Variants in PXDNL observed in about 807,000 individuals in gnomAD.
PXDNL encodes the protein probable oxidoreductase PXDNL.
Under a neutral mutation model 150.8 loss-of-function variants are expected in PXDNL, and 145 were observed. The observed-to-expected ratio is 0.96, with a 90% CI of 0.84 to 1.10. PXDNL has a LOEUF of 1.10. PXDNL is among the 50% of genes least tolerant of loss of function. The pLI is 0.00. For missense variants in PXDNL, 2,087 were observed against 1,873.9 expected (o/e 1.11, Z -2.10); for synonymous variants, 757 against 725.7 (o/e 1.04, Z -0.69).
At chr8:51,582,054 AC>A (rs1409737370) in intron 3 of PXDNL, among the ~76,000 whole-genome samples, 1 of 152,164 alleles carries the variant, frequency 6.6e-6, no homozygotes, top group Non-Finnish European at 1.5e-5. Context: ...TAAGAAGTAT[AC>A]TTTTAAGTTT....
intron 1 of PXDNL, among the ~76,000 whole-genome samples, chr8:51,693,078 C>A (rs1286208889): frequency 6.6e-6 from 1 of 152,224 alleles, no homozygotes; most frequent in Non-Finnish European, 1.5e-5. Flanking sequence ...GAGATCAGAG[C>A]CTCTATCTGT....
At chr8:51,476,237 C>T (rs1033286326) in intron 6 of PXDNL, among the ~76,000 whole-genome samples, 4 of 152,194 alleles carry the variant, frequency 2.6e-5, no homozygotes, top group African/African-American at 9.7e-5. Flanking sequence ...GTGGTAGAAG[C>T]TTTGCTGCCC....
intron 18 of PXDNL, 37 bp from the exon 19 acceptor site, chr8:51,372,118 C>T: frequency 6.7e-7 from 1 of 1,500,218 alleles, no homozygotes; most frequent in East Asian, 2.5e-5. Flanking sequence ...TGTCGTGGGT[C>T]TGTGGCCTGA....
chr8:51,688,070 A>C (rs1381117332), intron 1 of PXDNL, among the ~76,000 whole-genome samples: 1 of 152,236 alleles, frequency 6.6e-6, no homozygotes, highest in Non-Finnish European at 1.5e-5. Context: ...TAGATTTCCT[A>C]GAGCAAGAGA....
chr8:51,511,573 T>C (rs561692345), intron 4 of PXDNL, among the ~76,000 whole-genome samples: 1 of 152,192 alleles, frequency 6.6e-6, no homozygotes, highest in Admixed American at 6.5e-5. Flanking sequence ...TGTACAGAGA[T>C]ATGCAGGGCC....
chr8:51,648,269 G>T (rs1814965544), intron 2 of PXDNL, among the ~76,000 whole-genome samples: 1 of 152,198 alleles, frequency 6.6e-6, no homozygotes, highest in South Asian at 2.1e-4. Context: ...TATCTGATAA[G>T]GAAAAGGGAT....
chr8:51,630,217 T>C (rs1814462188), intron 2 of PXDNL, among the ~76,000 whole-genome samples: 4 of 152,258 alleles, frequency 2.6e-5, no homozygotes. Flanking sequence ...AATGCTGGGA[T>C]AACTGGCTAG....
At chr8:51,595,590 G>T (rs572893980) in intron 2 of PXDNL, among the ~76,000 whole-genome samples, 7 of 152,160 alleles carry the variant, frequency 4.6e-5, no homozygotes, top group Admixed American at 4.6e-4. Flanking sequence ...CCAGAAATAT[G>T]GTTCTGCTAC....
intron 1 of PXDNL, among the ~76,000 whole-genome samples, chr8:51,696,546 CAGGA>C (rs1175791338): frequency 6.6e-6 from 1 of 152,144 alleles, no homozygotes; most frequent in Non-Finnish European, 1.5e-5. Context: ...CTGGGCAGAG[CAGGA>C]TGTAGGAACC....
chr8:51,524,323 GTTAAAA>G (rs934574965), intron 4 of PXDNL, among the ~76,000 whole-genome samples: 1 of 152,172 alleles, frequency 6.6e-6, no homozygotes, highest in African/African-American at 2.4e-5. Context: ...TTAAATTAAA[GTTAAAA>G]TTAAAGTTCT....
intron 1 of PXDNL, among the ~76,000 whole-genome samples, chr8:51,742,065 G>A (rs758389626): frequency 6.6e-6 from 1 of 152,188 alleles, no homozygotes; most frequent in South Asian, 2.1e-4. Flanking sequence ...CAGCAACAGC[G>A]AAAGAAATGA....
intron 2 of PXDNL, among the ~76,000 whole-genome samples, chr8:51,600,402 T>TTG (rs1813678106): frequency 7.6e-6 from 1 of 132,166 alleles, no homozygotes; most frequent in Non-Finnish European, 1.6e-5. Context: ...AAATTATATC[T>TTG]TATATAAATT....
chr8:51,501,723 C>T (rs1811184779), intron 4 of PXDNL, among the ~76,000 whole-genome samples: 1 of 152,138 alleles, frequency 6.6e-6, no homozygotes, highest in African/African-American at 2.4e-5. Context: ...CACACATACT[C>T]CCACACACTC....
intron 1 of PXDNL, among the ~76,000 whole-genome samples, chr8:51,772,585 C>T (rs975768635): frequency 1.6e-4 from 25 of 152,116 alleles, no homozygotes; most frequent in Admixed American, 1.3e-3. Flanking sequence ...TGGGGGAATT[C>T]GTTCAGAGCA....
At chr8:51,462,859 G>C (rs749835654) in intron 8 of PXDNL, among the ~76,000 whole-genome samples, 1 of 151,432 alleles carries the variant, frequency 6.6e-6, no homozygotes, top group Admixed American at 6.6e-5. Flanking sequence ...ATTCTGTGAG[G>C]TCAACATGAA....
rs1813549829 is a variant in PXDNL, at chr8:51,595,790, C to A, written c.237-3092G>T. On this transcript the variant is annotated intron_variant, in intron 2 of 22. Transcript: ENST00000356297. Reference sequence around the variant, plus strand: ...AGCCACAGAAAAATATTTATGTGATCATAAACAACGCATAAATCATTTGCA... The same window carrying A: ...AGCCACAGAAAAATATTTATGTGATAATAAACAACGCATAAATCATTTGCA... Among the ~76,000 whole-genome samples the A allele has an allele frequency of 2.0e-5, 3 of 151,330 alleles. No homozygotes were observed. In the South Asian group the frequency reaches 6.3e-4, roughly 32 times the overall value.
At chr8:51,486,750 T>TTTTATA (rs1414472367) in intron 5 of PXDNL, among the ~76,000 whole-genome samples, 2 of 36,328 alleles carry the variant, frequency 5.5e-5, no homozygotes, top group African/African-American at 2.2e-4. Context: ...GTTAAAAAGT[T>TTTTATA]TATATATATA....
At chr8:51,451,970 C>T (rs773254673) in intron 10 of PXDNL, among the ~76,000 whole-genome samples, 47 of 152,136 alleles carry the variant, frequency 3.1e-4, no homozygotes, top group Non-Finnish European at 4.9e-4. Flanking sequence ...AGTGCAAACT[C>T]ACTGGCAACA....
At chr8:51,473,740 T>C (rs1271727307) in intron 7 of PXDNL, among the ~76,000 whole-genome samples, 1 of 136,314 alleles carries the variant, frequency 7.3e-6, no homozygotes, top group Non-Finnish European at 1.5e-5. Flanking sequence ...ACTTAATGTC[T>C]AATTTAAAAA....
Sources: gnomAD v4.1 joint callset for allele counts (sites outside exome capture counted in the v4.1 genomes callset) on GRCh38, gnomAD v4.1.1 for gene constraint, MANE v1.5 for transcripts, NCBI Gene and HGNC (gene_info 2026-07-23, HGNC 2026-07-21) for gene names.